Variants in RPS6KC1 observed in about 807,000 individuals in gnomAD.
The protein encoded by RPS6KC1 is ribosomal protein S6 kinase C1, also known as inactive ribosomal protein S6 kinase delta-1.
In RPS6KC1, 54 loss-of-function variants were observed where a neutral mutation model predicts 103.8. The ratio of observed to expected loss-of-function variants is 0.52; its 90% CI spans 0.42 to 0.65. RPS6KC1 has a LOEUF of 0.65. RPS6KC1 is among the 30% of genes least tolerant of loss of function. The probability of loss-of-function intolerance (pLI) is 0.00; values close to 1 mark genes in which losing one functional copy is unlikely to be tolerated. For missense variants in RPS6KC1, 1,151 were observed against 1,253.8 expected (o/e 0.92, Z 1.24); for synonymous variants, 439 against 438.7 (o/e 1.00, Z -0.01).
chr1:213,115,513 T>C (rs1372714604), intron 4 of RPS6KC1, among the ~76,000 whole-genome samples: 2 of 152,234 alleles, frequency 1.3e-5, no homozygotes, highest in African/African-American at 2.4e-5. Context: ...AGCTCCTGGA[T>C]TCATTAATTT....
At chr1:213,757,844 A>G in the RPS6KC1 span, among the ~76,000 whole-genome samples, 1 of 152,180 alleles carries the variant, frequency 6.6e-6, no homozygotes, top group African/African-American at 2.4e-5. Flanking sequence ...GTTGAAATCA[A>G]TGCCCATTGA....
At chr1:213,213,701 C>T (rs964927429) in intron 8 of RPS6KC1, among the ~76,000 whole-genome samples, 10 of 152,214 alleles carry the variant, frequency 6.6e-5, no homozygotes, top group East Asian at 1.9e-4. Flanking sequence ...GTAGGAATGA[C>T]GCTTTTGAAT....
At chr1:213,601,075 G>A in the RPS6KC1 span, among the ~76,000 whole-genome samples, 2 of 152,168 alleles carry the variant, frequency 1.3e-5, no homozygotes, top group African/African-American at 2.4e-5. Context: ...TGCCACCCTG[G>A]CATGGTGCCA....
At chr1:213,412,288 A>G in the RPS6KC1 span, among the ~76,000 whole-genome samples, 2 of 152,214 alleles carry the variant, frequency 1.3e-5, no homozygotes, top group Admixed American at 1.3e-4. Flanking sequence ...ATCCTTCTCT[A>G]TTAGAGAAAG....
the RPS6KC1 span, among the ~76,000 whole-genome samples, chr1:213,681,468 G>C: frequency 6.6e-6 from 1 of 151,872 alleles, no homozygotes; most frequent in African/African-American, 2.4e-5. Context: ...GAGAGAGAGA[G>C]AGACAGGAGG....
At chr1:213,198,881 A>G (rs149317293) in intron 8 of RPS6KC1, among the ~76,000 whole-genome samples, 233 of 152,284 alleles carry the variant, frequency 1.5e-3, no homozygotes, top group African/African-American at 5.2e-3. Flanking sequence ...AATTTACCCA[A>G]ATAAAATTAA....
At chr1:213,237,094 G>A (rs2094238586) in intron 10 of RPS6KC1, among the ~76,000 whole-genome samples, 1 of 152,026 alleles carries the variant, frequency 6.6e-6, no homozygotes, top group Non-Finnish European at 1.5e-5. Flanking sequence ...TTAAATGGGT[G>A]TTACATATTG....
At chr1:213,355,337 A>G in the RPS6KC1 span, among the ~76,000 whole-genome samples, 1 of 152,000 alleles carries the variant, frequency 6.6e-6, no homozygotes, top group Non-Finnish European at 1.5e-5. Flanking sequence ...TCATTTTCAG[A>G]CCAGCTGGAA....
the RPS6KC1 span, among the ~76,000 whole-genome samples, chr1:213,406,040 G>A: frequency 3.3e-5 from 5 of 152,344 alleles, no homozygotes; most frequent in South Asian, 8.3e-4. Flanking sequence ...CGAGGTGTCT[G>A]CCCTCTGGGG....
the RPS6KC1 span, among the ~76,000 whole-genome samples, chr1:213,465,389 T>C: frequency 1.3e-5 from 2 of 152,190 alleles, no homozygotes; most frequent in African/African-American, 4.8e-5. Flanking sequence ...TACCTGGAAG[T>C]AGAATCACTG....
At chr1:213,643,559 T>G in the RPS6KC1 span, among the ~76,000 whole-genome samples, 171 of 152,098 alleles carry the variant, frequency 1.1e-3, no homozygotes, top group African/African-American at 4.0e-3. Context: ...TAGATTGTTT[T>G]GATATTTGAT....
the RPS6KC1 span, among the ~76,000 whole-genome samples, chr1:213,584,616 A>G: frequency 6.6e-6 from 1 of 152,228 alleles, no homozygotes; most frequent in Non-Finnish European, 1.5e-5. Flanking sequence ...CCCTAATATT[A>G]TGCTCTAGGA....
the RPS6KC1 span, among the ~76,000 whole-genome samples, chr1:213,858,988 A>T: frequency 6.6e-6 from 1 of 152,330 alleles, no homozygotes; most frequent in East Asian, 1.9e-4. Context: ...GGTGATGCCA[A>T]ATATGCCATC....
At chr1:213,515,661 T>C in the RPS6KC1 span, among the ~76,000 whole-genome samples, 3 of 152,082 alleles carry the variant, frequency 2.0e-5, no homozygotes, top group Admixed American at 6.6e-5. Context: ...AGTCAGGTAG[T>C]GTGATGCCTC....
chr1:213,234,011 TCTC>T (rs1232850860), intron 10 of RPS6KC1, among the ~76,000 whole-genome samples: 43 of 147,718 alleles, frequency 2.9e-4, no homozygotes, highest in African/African-American at 1.1e-3. Context: ...ATTCTCTCTC[TCTC>T]TTTTTTTTTT....
rs190000118 is a variant in RPS6KC1, at chr1:213,271,540, C to T, written c.3091-984C>T. Among the ~76,000 whole-genome samples the T allele has an allele frequency of 3.5e-3, 538 of 152,070 alleles. 2 individuals carry two copies. Among genetic ancestry groups the T allele is most frequent in the African/African-American group, 0.012 (505 of 41,510 alleles). On this transcript the variant is annotated intron_variant, in intron 14 of 14. Transcript: ENST00000366960. ...CAGCACTTTGGGAGGCCGAGACGGG[C>T]GGATCACGAGGTCAGGAGATCGAGA...
the RPS6KC1 span, among the ~76,000 whole-genome samples, chr1:213,466,696 C>T: frequency 6.6e-6 from 1 of 152,192 alleles, no homozygotes; most frequent in African/African-American, 2.4e-5. Context: ...TAGTGTCACT[C>T]TTAATGTATC....
chr1:213,503,863 A>G, the RPS6KC1 span, among the ~76,000 whole-genome samples: 1 of 152,208 alleles, frequency 6.6e-6, no homozygotes, highest in East Asian at 1.9e-4. Context: ...TTAAAATTAC[A>G]AAGTTTTTTT....
the RPS6KC1 span, among the ~76,000 whole-genome samples, chr1:213,520,851 A>C: frequency 2.0e-5 from 3 of 152,204 alleles, no homozygotes; most frequent in African/African-American, 7.2e-5. Flanking sequence ...TTATTTTTAA[A>C]TTGTCAAATA....
Sources: allele counts gnomAD v4.1 joint callset (sites outside exome capture counted in the v4.1 genomes callset), GRCh38; gene constraint gnomAD v4.1.1; transcripts MANE v1.5; gene names NCBI Gene and HGNC (gene_info 2026-07-23, HGNC 2026-07-21).